The following ASPRV1 variants were observed in gnomAD, a reference collection of about 807,000 sequenced individuals.
The protein encoded by ASPRV1 is retroviral-like aspartic protease 1.
ASPRV1 carries 7 observed loss-of-function variants against 11.0 expected under a neutral mutation model. That is an observed-to-expected ratio of 0.64 (90% confidence interval 0.36 to 1.20). The LOEUF is 1.20. Ranked by LOEUF, ASPRV1 falls within the 50% of genes most tolerant of loss-of-function variation. ASPRV1 has a pLI of 0.02. For missense variants in ASPRV1, 299 were observed against 320.0 expected (o/e 0.93, Z 0.50); for synonymous variants, 136 against 138.4 (o/e 0.98, Z 0.12).
the ASPRV1 span, among the ~76,000 whole-genome samples, chr2:70,006,444 A>G: frequency 1.3e-5 from 2 of 152,138 alleles, no homozygotes; most frequent in African/African-American, 4.8e-5. Context: ...TGGAAAGAAA[A>G]TGGGATCTAG....
the ASPRV1 span, among the ~76,000 whole-genome samples, chr2:70,009,641 T>A: frequency 5.5e-4 from 83 of 152,290 alleles, no homozygotes; most frequent in East Asian, 0.013. Context: ...TAACTTACTA[T>A]CTTAAATAAA....
chr2:70,073,036 A>G, the ASPRV1 span: 1 of 152,056 alleles, frequency 6.6e-6, no homozygotes, highest in Non-Finnish European at 1.5e-5. Context: ...CCAACACTGC[A>G]CTCCAGCCTG....
the ASPRV1 span, among the ~76,000 whole-genome samples, chr2:69,974,109 G>A: frequency 5.5e-4 from 83 of 151,990 alleles, no homozygotes; most frequent in Middle Eastern, 0.014. Context: ...AGACCGAGGC[G>A]GGCAGATCAC....
At chr2:69,972,085 G>A in the ASPRV1 span, among the ~76,000 whole-genome samples, 3 of 150,990 alleles carry the variant, frequency 2.0e-5, no homozygotes, top group African/African-American at 4.9e-5. Flanking sequence ...TTTTTGAGAC[G>A]GAGTCTCACA....
At chr2:69,972,888 G>A in the ASPRV1 span, among the ~76,000 whole-genome samples, 1 of 151,912 alleles carries the variant, frequency 6.6e-6, no homozygotes, top group African/African-American at 2.4e-5. Context: ...TCCCTTTTCA[G>A]GGACTCTGTG....
chr2:70,057,253 G>C, the ASPRV1 span, among the ~76,000 whole-genome samples: 1 of 151,638 alleles, frequency 6.6e-6, no homozygotes, highest in Non-Finnish European at 1.5e-5. Context: ...AAAAAAGAAA[G>C]AAAGAAAGAA....
At chr2:70,079,201 G>A in the ASPRV1 span, among the ~76,000 whole-genome samples, 10 of 152,216 alleles carry the variant, frequency 6.6e-5, no homozygotes, top group African/African-American at 2.4e-4. Context: ...TTGAGTTCAG[G>A]GAAAGACATT....
the ASPRV1 span, among the ~76,000 whole-genome samples, chr2:70,009,211 G>T: frequency 2.6e-5 from 4 of 152,068 alleles, no homozygotes; most frequent in East Asian, 7.7e-4. Flanking sequence ...TGGGGGAAGG[G>T]GTGCAAGAAG....
chr2:70,000,506 C>G, the ASPRV1 span: 1 of 150,852 alleles, frequency 6.6e-6, no homozygotes, highest in Non-Finnish European at 1.5e-5. Context: ...AAACAGAAAA[C>G]TGACTGGGCT....
chr2:70,069,661 C>T, the ASPRV1 span, among the ~76,000 whole-genome samples: 4 of 152,248 alleles, frequency 2.6e-5, no homozygotes, highest in East Asian at 7.7e-4. Flanking sequence ...TCTTCATCTC[C>T]CCACAAAGGC....
the ASPRV1 span, among the ~76,000 whole-genome samples, chr2:69,950,137 G>A: frequency 6.6e-6 from 1 of 152,262 alleles, no homozygotes; most frequent in South Asian, 2.1e-4. Flanking sequence ...ATGTAAAAGT[G>A]CATAAAACAT....
chr2:70,012,919 T>A, the ASPRV1 span, among the ~76,000 whole-genome samples: 1 of 152,202 alleles, frequency 6.6e-6, no homozygotes, highest in Non-Finnish European at 1.5e-5. Flanking sequence ...AGTGAACCTG[T>A]CACCTCATAG....
downstream of ASPRV1, among the ~76,000 whole-genome samples, chr2:69,959,030 G>A (rs1678002031): frequency 1.3e-5 from 2 of 152,150 alleles, no homozygotes; most frequent in South Asian, 4.1e-4. Context: ...TCAGTTCCCA[G>A]GAGAATCACA....
the ASPRV1 span, among the ~76,000 whole-genome samples, chr2:70,043,933 GCTTGT>G: frequency 1.3e-5 from 2 of 152,238 alleles, no homozygotes; most frequent in Admixed American, 1.3e-4. Context: ...ACTGTCAGCT[GCTTGT>G]CTTTTCTCAG....
the ASPRV1 span, among the ~76,000 whole-genome samples, chr2:70,053,104 G>A: frequency 5.3e-5 from 8 of 152,038 alleles, no homozygotes; most frequent in Admixed American, 1.3e-4. Flanking sequence ...CCCATTTACC[G>A]CAGAGATTCA....
the ASPRV1 span, among the ~76,000 whole-genome samples, chr2:69,997,577 T>C: frequency 3.5e-4 from 53 of 152,300 alleles, no homozygotes; most frequent in East Asian, 0.01. Context: ...AAGTCAGCTC[T>C]GCTCTCCTCC....
chr2:69,986,044 G>C, the ASPRV1 span, among the ~76,000 whole-genome samples: 1 of 152,212 alleles, frequency 6.6e-6, no homozygotes, highest in African/African-American at 2.4e-5. Context: ...GGGACAGGGG[G>C]AATACCTCAG....
At chr2:69,935,348 T>C in the ASPRV1 span, 17 of 1,610,532 alleles carry the variant, frequency 1.1e-5, no homozygotes, top group African/African-American at 4.0e-5. Context: ...CTTGTTTTCA[T>C]AGACGGGCTC....
At chr2:69,970,661 G>C in the ASPRV1 span, 2 of 152,236 alleles carry the variant, frequency 1.3e-5, no homozygotes, top group Non-Finnish European at 2.9e-5. Context: ...GCTCCTCTCT[G>C]AGTTGCAGCA....
Sources: allele counts gnomAD v4.1 joint callset (sites outside exome capture counted in the v4.1 genomes callset), GRCh38; gene constraint gnomAD v4.1.1; transcripts MANE v1.5; gene names NCBI Gene and HGNC (gene_info 2026-07-23, HGNC 2026-07-21).